Variants in MRPS21 observed in about 807,000 individuals in gnomAD.
MRPS21 encodes mitochondrial ribosomal protein S21.
In MRPS21, 8 loss-of-function variants were observed where a neutral mutation model predicts 9.9. The observed-to-expected ratio is 0.81, with a 90% CI of 0.47 to 1.45. The LOEUF (loss-of-function observed/expected upper bound fraction) is 1.45. MRPS21 is among the 40% of genes most tolerant of loss of function. The probability of loss-of-function intolerance (pLI) is 0.00; values close to 1 mark genes in which losing one functional copy is unlikely to be tolerated. For synonymous variants in MRPS21, 40 were observed against 40.3 expected (o/e 0.99, Z 0.03); for missense variants, 101 against 118.9 (o/e 0.85, Z 0.70).
At chr1:150,297,878 A>G (rs1653973375) in intron 2 of MRPS21, among the ~76,000 whole-genome samples, 1 of 151,578 alleles carries the variant, frequency 6.6e-6, no homozygotes, top group African/African-American at 2.4e-5. Context: ...TCTGAGAAGT[A>G]TATTATGTCT....
rs1553856093 is a variant in MRPS21, at chr1:150,293,902, A to T, written c.-33+4A>T. The T allele has an allele frequency of 5.8e-6, 1 of 173,414 alleles. No homozygotes were observed. Among genetic ancestry groups the T allele is most frequent in the Admixed American group, 5.6e-5 (1 of 17,754 alleles). 10.7% of individuals were successfully genotyped at this position (173,414 alleles called of 1,614,324 possible). On this transcript the variant is annotated splice_donor_region_variant and intron_variant, in intron 1 of 2. Transcript: ENST00000614145. ...GGCTAGGTACTGAGCGCGCGAGGTG[A>T]GGAGTTGTGCAGGGTTTGGGGAAAG... is the stretch of plus-strand genomic sequence containing the variant.
intron 2 of MRPS21, among the ~76,000 whole-genome samples, chr1:150,307,270 A>G (rs1172437891): frequency 2.7e-5 from 4 of 148,024 alleles, no homozygotes; most frequent in Non-Finnish European, 5.9e-5. Flanking sequence ...CTGGTCTCGA[A>G]CTCCCGACCT....
chr1:150,307,406 G>A (rs587599566), intron 2 of MRPS21, among the ~76,000 whole-genome samples: 1 of 139,674 alleles, frequency 7.2e-6, no homozygotes, highest in East Asian at 2.1e-4. Context: ...TGTCCAGGCT[G>A]GAATGCAGTG....
chr1:150,296,112 T>C (rs140293476), intron 2 of MRPS21, among the ~76,000 whole-genome samples: 3,070 of 152,208 alleles, frequency 0.02, 134 homozygotes, highest in African/African-American at 0.071. Flanking sequence ...CCACCACGCC[T>C]GGCTGATTTT....
chr1:150,297,159 C>T (rs1295628899), intron 2 of MRPS21, among the ~76,000 whole-genome samples: 1 of 152,024 alleles, frequency 6.6e-6, no homozygotes, highest in Non-Finnish European at 1.5e-5. Flanking sequence ...GGCGTGGTGG[C>T]ACACACCTGT....
At chr1:150,306,786 G>C (rs1654347158) in intron 2 of MRPS21, among the ~76,000 whole-genome samples, 1 of 152,036 alleles carries the variant, frequency 6.6e-6, no homozygotes, top group Non-Finnish European at 1.5e-5. Context: ...TGAGCCACCA[G>C]CCTGACAGGA....
chr1:150,308,140 G>A lies in MRPS21; in HGVS notation c.176G>A (p.Arg59Lys). The A allele has an allele frequency of 6.2e-7, 1 of 1,610,126 alleles. No homozygotes were observed. The highest frequency in any genetic ancestry group is 8.5e-7 in the Non-Finnish European group (1 of 1,176,636). Residue 59 changes from arginine to lysine, a missense_variant, in exon 3 of 3, where the codon AGG (arginine) becomes AAG (lysine). Arg to Lys is a conservative substitution (Grantham distance 26, BLOSUM62 2). Coordinates refer to ENST00000614145, the MANE Select transcript of MRPS21 (RefSeq NM_031901.6). The stretch of plus-strand genomic sequence containing the variant: ...CGGCGACAGAGGGAAAGCTATGAAA[G>A]GTGCCGGCGGATCTACAACATGGAA... ...CCRRQRESYE[R>K]CRRIYNMEMA...
At chr1:150,303,811 A>T in intron 2 of MRPS21, 1 of 439,588 alleles carries the variant, frequency 2.3e-6, no homozygotes, top group South Asian at 1.6e-5. Context: ...TATCCCCAAT[A>T]ACTGTATATA....
At chr1:150,303,975 C>G (rs1654231181) in intron 2 of MRPS21, 1 of 454,048 alleles carries the variant, frequency 2.2e-6, no homozygotes, top group Non-Finnish European at 4.4e-6. Context: ...AAAGACACAA[C>G]CCAATGAGGG....
intron 2 of MRPS21, among the ~76,000 whole-genome samples, chr1:150,295,140 C>T (rs1041517355): frequency 2.0e-5 from 3 of 151,736 alleles, no homozygotes; most frequent in Non-Finnish European, 4.4e-5. Context: ...GTACTACAGG[C>T]TCCCGCCACC....
chr1:150,302,774 C>T (rs1247224957), intron 2 of MRPS21, among the ~76,000 whole-genome samples: 3 of 152,084 alleles, frequency 2.0e-5, no homozygotes, highest in Non-Finnish European at 4.4e-5. Context: ...TTTCTTGCAT[C>T]CTTTTCTGTT....
Position 150,303,533 on chromosome 1 carries a change from T to G in MRPS21, c.84-4515T>G, listed in dbSNP as rs587659149. 1.4e-3 allele frequency among the ~76,000 whole-genome samples: 217 copies of G among 152,322 alleles called. 1 individual carries two copies. Among genetic ancestry groups the G allele is most frequent in the African/African-American group, 5.1e-3 (213 of 41,580 alleles). Reference sequence around the variant, plus strand: ...TTTACCCATGGATACTGCAACAGTTTGTCTTCTGAAATGGGTGGTTTTTGT... The same window carrying G: ...TTTACCCATGGATACTGCAACAGTTGGTCTTCTGAAATGGGTGGTTTTTGT... On this transcript the variant is annotated intron_variant, in intron 2 of 2. Coordinates refer to ENST00000614145, the MANE Select transcript of MRPS21 (RefSeq NM_031901.6).
intron 2 of MRPS21, among the ~76,000 whole-genome samples, chr1:150,301,691 TG>T (rs1654140176): frequency 6.6e-6 from 1 of 151,652 alleles, no homozygotes. Context: ...CTGCAACCTC[TG>T]TCTCCCGGGT....
intron 2 of MRPS21, among the ~76,000 whole-genome samples, chr1:150,298,848 C>T (rs924297613): frequency 1.2e-4 from 18 of 152,188 alleles, no homozygotes; most frequent in Non-Finnish European, 1.9e-4. Context: ...GATCTGCCCA[C>T]CTCAGCCTCC....
At chr1:150,298,485 G>C (rs1653992870) in intron 2 of MRPS21, among the ~76,000 whole-genome samples, 1 of 152,146 alleles carries the variant, frequency 6.6e-6, no homozygotes, top group African/African-American at 2.4e-5. Context: ...TTTCCAACAG[G>C]CTCAGTTTTA....
intron 2 of MRPS21, chr1:150,304,002 T>A (rs1654234083): frequency 2.3e-6 from 1 of 439,382 alleles, no homozygotes; most frequent in Admixed American, 2.4e-5. Flanking sequence ...TGTAATACTG[T>A]TTGATCAGTG....
intron 2 of MRPS21, among the ~76,000 whole-genome samples, chr1:150,295,001 T>A (rs1182314886): frequency 1.3e-5 from 2 of 149,722 alleles, no homozygotes; most frequent in African/African-American, 4.9e-5. Context: ...TTTTAATTTT[T>A]TTTTTTTTTT....
chr1:150,303,297 C>A (rs1654213100), intron 2 of MRPS21, among the ~76,000 whole-genome samples: 1 of 151,800 alleles, frequency 6.6e-6, no homozygotes, highest in South Asian at 2.1e-4. Flanking sequence ...TATATCCAAT[C>A]TTTTTCTTTC....
intron 2 of MRPS21, among the ~76,000 whole-genome samples, chr1:150,296,439 G>A (rs181471570): frequency 6.6e-6 from 1 of 152,342 alleles, no homozygotes; most frequent in Non-Finnish European, 1.5e-5. Flanking sequence ...AGGGGCTCCT[G>A]TAGTGCTAGC....
Sources: gnomAD v4.1 joint callset for allele counts (sites outside exome capture counted in the v4.1 genomes callset) on GRCh38, gnomAD v4.1.1 for gene constraint, MANE v1.5 for transcripts, NCBI Gene and HGNC (gene_info 2026-07-23, HGNC 2026-07-21) for gene names.